Variants in NPAS3 observed in about 807,000 individuals in gnomAD.
NPAS3 encodes the protein neuronal PAS domain-containing protein 3.
In NPAS3, 14 loss-of-function variants were observed where a neutral mutation model predicts 73.1. The observed-to-expected ratio is 0.19, with a 90% confidence interval of 0.13 to 0.30. The LOEUF is 0.30. Ranked by LOEUF, NPAS3 falls within the 10% of genes least tolerant of loss-of-function variation. NPAS3 has a pLI of 1.00. For missense variants in NPAS3, 1,096 were observed against 1,250.0 expected, an observed-to-expected ratio of 0.88 and a Z score of 1.86; for synonymous variants, 620 against 541.5, an observed-to-expected ratio of 1.14 and a Z score of -2.01.
chr14:32,972,531 C>T (rs965593235), intron 1 of NPAS3, among the ~76,000 whole-genome samples: 6 of 152,146 alleles, frequency 3.9e-5, no homozygotes, highest in African/African-American at 1.4e-4. Context: ...CTTGAAATCA[C>T]ATTTTTGTTT....
intron 4 of NPAS3, among the ~76,000 whole-genome samples, chr14:33,495,876 C>T (rs1595026606): frequency 6.6e-6 from 1 of 151,666 alleles, no homozygotes; most frequent in African/African-American, 2.4e-5. Flanking sequence ...GAGACAGAGA[C>T]CCAAAAATCC....
intron 5 of NPAS3, among the ~76,000 whole-genome samples, chr14:33,617,821 C>T (rs1210754633): frequency 6.6e-6 from 1 of 152,110 alleles, no homozygotes; most frequent in East Asian, 1.9e-4. Flanking sequence ...ACCATTCTTT[C>T]ATGCCTTAAA....
chr14:33,230,001 A>C (rs2047787907), intron 3 of NPAS3, among the ~76,000 whole-genome samples: 1 of 152,314 alleles, frequency 6.6e-6, no homozygotes, highest in South Asian at 2.1e-4. Flanking sequence ...AGGGTGTGAC[A>C]AGATGAAATT....
intron 2 of NPAS3, among the ~76,000 whole-genome samples, chr14:33,159,553 C>CTTTTTTT (rs11389432): frequency 2.5e-5 from 3 of 121,396 alleles, no homozygotes; most frequent in East Asian, 2.4e-4. Context: ...TTATAATGAG[C>CTTTTTTT]TTTTTTTTTT....
intron 5 of NPAS3, among the ~76,000 whole-genome samples, chr14:33,609,314 A>G (rs1321387268): frequency 6.6e-6 from 1 of 152,166 alleles, no homozygotes; most frequent in African/African-American, 2.4e-5. Context: ...CACCAAATAC[A>G]AAAATGTTGT....
intron 4 of NPAS3, among the ~76,000 whole-genome samples, chr14:33,434,239 G>A (rs1029745370): frequency 6.6e-6 from 1 of 151,350 alleles, no homozygotes; most frequent in African/African-American, 2.4e-5. Context: ...TCAAATTTCT[G>A]TAGTTGGCCA....
At chr14:33,706,585 C>T (rs67703141) in intron 6 of NPAS3, among the ~76,000 whole-genome samples, 44,253 of 151,978 alleles carry the variant, frequency 0.29, 6,863 homozygotes, top group Admixed American at 0.42. Context: ...GAACTTTTTA[C>T]TGGACAGCCT....
chr14:33,348,996 C>G (rs2044887772), intron 3 of NPAS3, among the ~76,000 whole-genome samples: 1 of 152,096 alleles, frequency 6.6e-6, no homozygotes, highest in South Asian at 2.1e-4. Context: ...GCCCGTGAGC[C>G]CTTCCAACCA....
chr14:33,633,409 A>T (rs533352483), intron 5 of NPAS3, among the ~76,000 whole-genome samples: 2 of 152,340 alleles, frequency 1.3e-5, no homozygotes, highest in East Asian at 3.9e-4. Flanking sequence ...GTGTTGCTTA[A>T]TGATGGGAAT....
intron 3 of NPAS3, among the ~76,000 whole-genome samples, chr14:33,251,773 A>G (rs2048592568): frequency 6.6e-6 from 1 of 152,154 alleles, no homozygotes; most frequent in South Asian, 2.1e-4. Flanking sequence ...TTATTGTAAT[A>G]ATGTTTTATT....
chr14:33,772,840 G>T (rs1036158691), intron 7 of NPAS3, among the ~76,000 whole-genome samples: 5 of 152,120 alleles, frequency 3.3e-5, no homozygotes, highest in Non-Finnish European at 5.9e-5. Flanking sequence ...AAGCAAAGGT[G>T]CATTAAGTAT....
chr14:33,635,135 G>A (rs74583560), intron 5 of NPAS3, among the ~76,000 whole-genome samples: 7,728 of 152,212 alleles, frequency 0.051, 604 homozygotes, highest in African/African-American at 0.17. Context: ...AAACAGAAGG[G>A]CGTACATTGT....
At position 33,647,290 on chromosome 14, in the gene NPAS3, C is replaced by CTA. The variant is rs774453212; in HGVS notation, c.559-28904_559-28903dup. On this transcript the variant is annotated intron_variant, in intron 5 of 11. Coordinates refer to ENST00000356141, the Ensembl canonical transcript of NPAS3. The stretch of plus-strand genomic sequence containing the variant: ...TCTTACTCTCTCTCTCTCTCTCTCT[C>CTA]TATATATATATATATATAGCCACAT... Among the ~76,000 whole-genome samples, 1,014 of 147,442 alleles carry CTA rather than the reference C, an allele frequency of 6.9e-3. 5 individuals carry two copies. Among genetic ancestry groups the CTA allele is most frequent in the South Asian group, 0.011 (53 of 4,674 alleles).
rs61972678 is a variant in NPAS3, at chr14:33,179,505, C to T, written c.141-35677C>T. ...TGTTAATAAATAAAAGGCAACAACT[C>T]ATATTATCCTCATTTTACAAATGAG... is the stretch of plus-strand genomic sequence containing the variant. On this transcript the variant is annotated intron_variant, in intron 2 of 11. Coordinates refer to ENST00000356141, the Ensembl canonical transcript of NPAS3. Among the ~76,000 whole-genome samples, 98 of 152,234 alleles carry T rather than the reference C, an allele frequency of 6.4e-4. 1 individual carries two copies. Among genetic ancestry groups the T allele is most frequent in the Non-Finnish European group, 1.1e-3 (74 of 68,000 alleles).
chr14:33,522,739 A>G (rs922720118), intron 4 of NPAS3, among the ~76,000 whole-genome samples: 1 of 152,118 alleles, frequency 6.6e-6, no homozygotes, highest in East Asian at 1.9e-4. Context: ...TCCTTTGGTT[A>G]TATGTATTAC....
chr14:33,463,134 A>G (rs2050351484), intron 4 of NPAS3, among the ~76,000 whole-genome samples: 1 of 152,228 alleles, frequency 6.6e-6, no homozygotes, highest in Non-Finnish European at 1.5e-5. Context: ...AGCCCCTGTA[A>G]GCCAGCTGCT....
intron 4 of NPAS3, among the ~76,000 whole-genome samples, chr14:33,542,097 G>A (rs539477924): frequency 2.6e-5 from 4 of 152,168 alleles, no homozygotes; most frequent in African/African-American, 9.6e-5. Flanking sequence ...TACATATTTG[G>A]CTGCAAATTT....
intron 6 of NPAS3, among the ~76,000 whole-genome samples, chr14:33,731,430 A>G (rs1188659694): frequency 6.6e-6 from 1 of 150,810 alleles, no homozygotes; most frequent in African/African-American, 2.5e-5. Context: ...TTTGAAAAAA[A>G]AAAAAAAAAA....
chr14:33,194,151 A>G lies in NPAS3; in HGVS notation c.141-21031A>G, dbSNP rs187461258. ...ATTATTTTTAAAAATTGCCCAAATC[A>G]CTGTAGTTAGTGTAAAATTGTCTCT... On this transcript the variant is annotated intron_variant, in intron 2 of 11. Transcript: ENST00000356141. Among the ~76,000 whole-genome samples the G allele has an allele frequency of 2.0e-4, 30 of 152,302 alleles. No homozygotes were observed. The East Asian group carries it at 5.8e-3, about 29-fold the overall frequency.
Sources: gnomAD v4.1 joint callset for allele counts (sites outside exome capture counted in the v4.1 genomes callset) on GRCh38, gnomAD v4.1.1 for gene constraint, MANE v1.5 for transcripts, NCBI Gene and HGNC (gene_info 2026-07-23, HGNC 2026-07-21) for gene names.